Variants in PDE1A observed in about 807,000 individuals in gnomAD.
The protein encoded by PDE1A is phosphodiesterase 1A.
In PDE1A, 35 loss-of-function variants were observed where a neutral mutation model predicts 61.7. That is an observed-to-expected ratio of 0.57 (90% confidence interval 0.43 to 0.75). The LOEUF is 0.75. Among genes scored for constraint, PDE1A ranks in the 30% least tolerant of loss-of-function variants. The probability of loss-of-function intolerance (pLI) is 0.00; values close to 1 mark genes in which losing one functional copy is unlikely to be tolerated. For missense variants in PDE1A, 597 were observed against 630.6 expected (o/e 0.95, Z 0.57); for synonymous variants, 232 against 213.2 (o/e 1.09, Z -0.77).
At chr2:182,696,654 T>C in the PDE1A span, among the ~76,000 whole-genome samples, 1 of 152,222 alleles carries the variant, frequency 6.6e-6, no homozygotes, top group East Asian at 1.9e-4. Flanking sequence ...GGTTCATTAA[T>C]TGTAACAAAT....
intron 2 of PDE1A, among the ~76,000 whole-genome samples, chr2:182,503,159 C>T (rs1212614685): frequency 6.6e-6 from 1 of 151,980 alleles, no homozygotes; most frequent in African/African-American, 2.4e-5. Context: ...CAGCTCTAAT[C>T]TCAAATATGT....
At position 182,230,162 on chromosome 2, in the gene PDE1A, A is replaced by C. The variant is rs1413297502; in HGVS notation, c.535-16T>G. Reference sequence around the variant, plus strand: ...AAACAGGAATCTGTGGAAAGTAATAATTATAATTATATTTTGACCAAAAAA... The same window carrying C: ...AAACAGGAATCTGTGGAAAGTAATACTTATAATTATATTTTGACCAAAAAA... On this transcript the variant is annotated splice_polypyrimidine_tract_variant and intron_variant, in intron 5 of 13. Transcript: ENST00000351439. 2 of 1,604,956 alleles carry C rather than the reference A, an allele frequency of 1.2e-6. No individual in the cohort carries two copies. Among genetic ancestry groups the C allele is most frequent in the Admixed American group, 3.4e-5 (2 of 59,296 alleles).
rs528633122 is a variant in PDE1A, at chr2:182,363,384, TATATG to T, written c.53+63189_53+63193del. ...AAGAGAGAATATAAATACAATGAAG[TATATG>T]ATATATTAGAAGATTCCAAGTGTTA... On this transcript the variant is annotated intron_variant, in intron 1 of 13. Transcript: ENST00000351439. Among the ~76,000 whole-genome samples the T allele has an allele frequency of 4.3e-3, 650 of 151,882 alleles. 2 individuals are homozygous for T. The highest frequency in any genetic ancestry group is 0.014 in the African/African-American group (592 of 41,452).
chr2:182,694,495 T>G, the PDE1A span, among the ~76,000 whole-genome samples: 1 of 152,128 alleles, frequency 6.6e-6, no homozygotes, highest in South Asian at 2.1e-4. Context: ...ATCTGAGAAA[T>G]GATCCATGTA....
chr2:182,156,205 G>T (rs1460099074), intron 13 of PDE1A, among the ~76,000 whole-genome samples: 1 of 152,018 alleles, frequency 6.6e-6, no homozygotes, highest in African/African-American at 2.4e-5. Flanking sequence ...GCATAACTTA[G>T]TAAGGAGGAA....
At chr2:182,177,164 C>T (rs1173876471) in intron 13 of PDE1A, among the ~76,000 whole-genome samples, 3 of 151,710 alleles carry the variant, frequency 2.0e-5, no homozygotes, top group Non-Finnish European at 4.4e-5. Flanking sequence ...TGTTGTGTCT[C>T]TGCCTGGCTT....
chr2:182,174,459 T>C (rs1038571002), intron 13 of PDE1A, among the ~76,000 whole-genome samples: 2 of 152,106 alleles, frequency 1.3e-5, no homozygotes, highest in African/African-American at 2.4e-5. Flanking sequence ...CTGTGATACT[T>C]TTCAGAAGGA....
chr2:182,555,095 G>A, the PDE1A span, among the ~76,000 whole-genome samples: 1 of 152,104 alleles, frequency 6.6e-6, no homozygotes, highest in Non-Finnish European at 1.5e-5. Flanking sequence ...ATCACTCCTG[G>A]GCAATGACTC....
At chr2:182,157,399 A>ACTTTG (rs1283017550) in intron 13 of PDE1A, among the ~76,000 whole-genome samples, 1 of 152,168 alleles carries the variant, frequency 6.6e-6, no homozygotes, top group Non-Finnish European at 1.5e-5. Context: ...AATTGTGCAC[A>ACTTTG]CTTTGCATAT....
chr2:182,464,537 G>T (rs1374791452), intron 2 of PDE1A, among the ~76,000 whole-genome samples: 4 of 152,024 alleles, frequency 2.6e-5, no homozygotes, highest in Non-Finnish European at 4.4e-5. Context: ...CTATTCTATA[G>T]CTGATTTATT....
chr2:182,223,194 TTGTC>T (rs1688869131), intron 7 of PDE1A, among the ~76,000 whole-genome samples: 1 of 151,920 alleles, frequency 6.6e-6, no homozygotes, highest in African/African-American at 2.4e-5. Flanking sequence ...AAAAAGGGTG[TTGTC>T]TGTAAGTCAA....
At chr2:182,429,659 A>C (rs1329123104), upstream of PDE1A, among the ~76,000 whole-genome samples, 1 of 152,134 alleles carries the variant, frequency 6.6e-6, no homozygotes, top group Admixed American at 6.6e-5. Context: ...CCATCTAACC[A>C]ACTCATTTTG....
chr2:182,408,297 G>A (rs1702419750), intron 1 of PDE1A, among the ~76,000 whole-genome samples: 1 of 151,582 alleles, frequency 6.6e-6, no homozygotes, highest in Non-Finnish European at 1.5e-5. Context: ...GGATTTTGCA[G>A]TTTGACAGAT....
At chr2:182,289,121 C>A (rs953152594) in intron 1 of PDE1A, among the ~76,000 whole-genome samples, 1 of 151,956 alleles carries the variant, frequency 6.6e-6, no homozygotes, top group Non-Finnish European at 1.5e-5. Flanking sequence ...GTTAGAATCC[C>A]CACCCACTCC....
rs1685822956 is a variant in PDE1A, at chr2:182,192,914, C to T, written c.1126-3854G>A. ...GGTATGAAATCCATTGACCTAACAGCACCTTTTTGTTGTTGTTGTTTGTTT... is the reference window on the plus strand; with the variant it reads ...GGTATGAAATCCATTGACCTAACAGTACCTTTTTGTTGTTGTTGTTTGTTT... On this transcript the variant is annotated intron_variant, in intron 10 of 13. Coordinates refer to ENST00000351439, the Ensembl canonical transcript of PDE1A. Among the ~76,000 whole-genome samples, 2 of 152,126 alleles carry T rather than the reference C, an allele frequency of 1.3e-5. 1 individual carries two copies. The highest frequency in any genetic ancestry group is 1.3e-4 in the Admixed American group (2 of 15,266).
intron 2 of PDE1A, among the ~76,000 whole-genome samples, chr2:182,255,273 T>C (rs1691690192): frequency 6.6e-6 from 1 of 152,218 alleles, no homozygotes; most frequent in Non-Finnish European, 1.5e-5. Context: ...ACTGGCTTGG[T>C]TGGGTTTCCT....
chr2:182,546,276 G>A, the PDE1A span, among the ~76,000 whole-genome samples: 3 of 152,114 alleles, frequency 2.0e-5, no homozygotes, highest in Non-Finnish European at 4.4e-5. Context: ...GCACCAGGGT[G>A]TCTGATACAC....
At chr2:182,624,006 T>C in the PDE1A span, among the ~76,000 whole-genome samples, 1 of 150,676 alleles carries the variant, frequency 6.6e-6, no homozygotes, top group Non-Finnish European at 1.5e-5. Context: ...GCGCCTGTAG[T>C]CCCAGCTACT....
the PDE1A span, among the ~76,000 whole-genome samples, chr2:182,663,272 G>A: frequency 6.6e-6 from 1 of 152,068 alleles, no homozygotes; most frequent in Non-Finnish European, 1.5e-5. Flanking sequence ...TAGCAGTGTG[G>A]CAATTCCTCA....
Sources: allele counts gnomAD v4.1 joint callset (sites outside exome capture counted in the v4.1 genomes callset), GRCh38; gene constraint gnomAD v4.1.1; transcripts MANE v1.5; gene names NCBI Gene and HGNC (gene_info 2026-07-23, HGNC 2026-07-21).